The following MASP1 variants were observed in gnomAD, a reference collection of about 807,000 sequenced individuals.
MASP1 encodes the protein MBL associated serine protease 1.
In MASP1, 59 loss-of-function variants were observed where a neutral mutation model predicts 77.1. That is an observed-to-expected ratio of 0.77 (90% CI 0.62 to 0.95). MASP1 has a LOEUF of 0.95. MASP1 is among the 40% of genes least tolerant of loss of function. The pLI is 0.00. For synonymous variants in MASP1, 362 were observed against 354.5 expected (o/e 1.02, Z -0.24); for missense variants, 885 against 912.9 (o/e 0.97, Z 0.39).
chr3:187,255,434 A>G (rs1000157975), intron 5 of MASP1, among the ~76,000 whole-genome samples: 7 of 152,246 alleles, frequency 4.6e-5, no homozygotes, highest in Non-Finnish European at 5.9e-5. Flanking sequence ...TAAGAGCTCC[A>G]TCAGCTGACA....
At chr3:187,265,166 C>A (rs1285714944) in intron 2 of MASP1, among the ~76,000 whole-genome samples, 1 of 152,038 alleles carries the variant, frequency 6.6e-6, no homozygotes, top group African/African-American at 2.4e-5. Flanking sequence ...TTAACATATG[C>A]AGGATTACTG....
intron 2 of MASP1, among the ~76,000 whole-genome samples, chr3:187,280,258 G>T (rs554231606): frequency 6.6e-6 from 1 of 152,172 alleles, no homozygotes; most frequent in South Asian, 2.1e-4. Flanking sequence ...AAGAAATGTC[G>T]AATACATCAA....
Position 187,243,247 on chromosome 3 carries a change from A to G in MASP1, c.1228+237T>C, listed in dbSNP as rs936273418. The stretch of plus-strand genomic sequence containing the variant: ...GTAAATCAGTGCTAGCTTTAAAGTT[A>G]AAAACAAAAAAGCCTGCTTTTTGGT... On this transcript the variant is annotated intron_variant, in intron 9 of 10. Transcript: ENST00000296280. 5.5e-6 allele frequency: 3 copies of G among 545,994 alleles called. No homozygotes were observed. The East Asian group carries it at 9.9e-5, about 18-fold the overall frequency. 33.8% of individuals were successfully genotyped at this position (545,994 alleles called of 1,614,324 possible). A position where few individuals can be genotyped will look rare whatever the true frequency, so the allele number is the denominator to read the frequency against.
rs77189011 is a variant in MASP1, at chr3:187,285,998, C to T, written c.64G>A (p.Val22Met). 1,378 of 1,614,182 alleles carry T rather than the reference C, an allele frequency of 8.5e-4. 9 individuals are homozygous for T. The East Asian group carries it at 0.019, about 22-fold the overall frequency. Residue 22 changes from valine to methionine, a missense_variant, in exon 2 of 11, where the codon GTG becomes ATG. Physicochemically the swap from Val to Met is conservative, Grantham distance 21. Transcript: ENST00000296280. ...TGGCCAAACATATTGTTTAGCTCCA[C>T]GGTGTGGGCTGAAGCCTTTGACAGG... is the stretch of plus-strand genomic sequence containing the variant. ...FSLSKASAHT[V>M]ELNNMFGQIQ...
chr3:187,260,782 C>T lies in MASP1; in HGVS notation c.506G>A (p.Arg169His), dbSNP rs759561495. 30 of 1,613,886 alleles carry T rather than the reference C, an allele frequency of 1.9e-5. No homozygotes were observed. Among genetic ancestry groups the T allele is most frequent in the African/African-American group, 5.3e-5 (4 of 74,920 alleles). Reference sequence around the variant, plus strand: ...GTCTGTGTGGAGGATGTAGCCGAAGCGGCAGGAGCAGTAGTAGCCGCCAAT... The same window carrying T: ...GTCTGTGTGGAGGATGTAGCCGAAGTGGCAGGAGCAGTAGTAGCCGCCAAT... The part of the protein sequence containing the change: ...NYIGGYYCSC[R>H]FGYILHTDNR... Residue 169 changes from arginine to histidine, a missense_variant, in exon 4 of 11, where the codon CGC becomes CAC. Physicochemically the swap from Arg to His is conservative, Grantham distance 29. Transcript: ENST00000296280.
downstream of MASP1, among the ~76,000 whole-genome samples, chr3:187,230,761 A>T (rs1306130694): frequency 1.3e-5 from 2 of 152,214 alleles, no homozygotes; most frequent in South Asian, 2.1e-4. Flanking sequence ...TAAAGAAACC[A>T]AGGCCTGGAG....
At chr3:187,262,906 A>C (rs1715719361) in intron 2 of MASP1, among the ~76,000 whole-genome samples, 186 bp from the exon 3 acceptor site, 1 of 152,166 alleles carries the variant, frequency 6.6e-6, no homozygotes, top group Admixed American at 6.5e-5. Context: ...TGGACATCTG[A>C]TCAGTTTCAT....
intron 10 of MASP1, 115 bp downstream of exon 10, chr3:187,241,366 G>T: frequency 1.2e-6 from 1 of 835,828 alleles, no homozygotes; most frequent in Non-Finnish European, 2.1e-6. Context: ...CTCTTAAAAA[G>T]CAACCAAAGC....
chr3:187,220,561 G>A (rs565143652), intron 15 of MASP1, among the ~76,000 whole-genome samples: 9 of 140,826 alleles, frequency 6.4e-5, no homozygotes, highest in East Asian at 2.2e-4. Context: ...GCAGTGGCAC[G>A]ATCTCGGCTC....
At chr3:187,284,695 A>C (rs1717706016) in intron 2 of MASP1, among the ~76,000 whole-genome samples, 1 of 152,204 alleles carries the variant, frequency 6.6e-6, no homozygotes, top group South Asian at 2.1e-4. Flanking sequence ...CATGTGATTC[A>C]AAAACACAAG....
At chr3:187,222,629 A>G (rs1712130290) in intron 14 of MASP1, among the ~76,000 whole-genome samples, 1 of 151,896 alleles carries the variant, frequency 6.6e-6, no homozygotes, top group African/African-American at 2.4e-5. Context: ...TGACCCAGCA[A>G]GTTAGTGGGA....
intron 9 of MASP1, 47 bp from the exon 10 acceptor site, chr3:187,241,602 T>G: frequency 8.1e-7 from 1 of 1,230,172 alleles, no homozygotes; most frequent in Non-Finnish European, 1.2e-6. Flanking sequence ...AATGGTTGAT[T>G]TGTAACACAT....
chr3:187,268,266 G>A (rs1046341966), intron 2 of MASP1, among the ~76,000 whole-genome samples: 6 of 152,114 alleles, frequency 3.9e-5, no homozygotes, highest in African/African-American at 9.7e-5. Context: ...AGGATCACTT[G>A]AGCCCAGGAG....
At chr3:187,286,725 A>G (rs1314481225) in intron 1 of MASP1, among the ~76,000 whole-genome samples, 1 of 152,204 alleles carries the variant, frequency 6.6e-6, no homozygotes, top group Non-Finnish European at 1.5e-5. Flanking sequence ...ACGAGGCAGA[A>G]TGACTAAGGC....
intron 9 of MASP1, chr3:187,242,933 G>A (rs925202031): frequency 2.8e-5 from 5 of 178,342 alleles, no homozygotes; most frequent in Admixed American, 5.4e-5. Flanking sequence ...TCCACTCCTC[G>A]CTCCCCAACC....
At chr3:187,291,269 T>C (rs1269216759) in intron 1 of MASP1, 3 of 403,886 alleles carry the variant, frequency 7.4e-6, no homozygotes, top group Admixed American at 7.2e-5. Flanking sequence ...GAGAAAGCAA[T>C]GCTCTTTCCA....
chr3:187,235,414 G>A lies in MASP1; in HGVS notation c.*270C>T. 1 of 1,482,246 alleles carries A rather than the reference G, an allele frequency of 6.7e-7. No individual in the cohort carries two copies. Among genetic ancestry groups the A allele is most frequent in the Non-Finnish European group, 9.0e-7 (1 of 1,114,140 alleles). 91.8% of individuals were successfully genotyped at this position (1,482,246 alleles called of 1,614,324 possible). On this transcript the variant is annotated 3_prime_UTR_variant, in exon 11 of 11. Transcript: ENST00000296280. The stretch of plus-strand genomic sequence containing the variant: ...TGCTGGGATTGGCACAGAGGCCTTG[G>A]TTGAGCTCCTGCATTGTATTACTCG...
At chr3:187,250,950 C>A (rs943016845) in intron 7 of MASP1, among the ~76,000 whole-genome samples, 1 of 151,938 alleles carries the variant, frequency 6.6e-6, no homozygotes, top group Non-Finnish European at 1.5e-5. Context: ...GTGAGGGGAA[C>A]CCATCTGTTC....
At chr3:187,284,747 A>T (rs1717709214) in intron 2 of MASP1, among the ~76,000 whole-genome samples, 1 of 152,202 alleles carries the variant, frequency 6.6e-6, no homozygotes, top group Non-Finnish European at 1.5e-5. Context: ...CCAGATGTAC[A>T]ACCTTGGGTG....
Sources: allele counts gnomAD v4.1 joint callset (sites outside exome capture counted in the v4.1 genomes callset), GRCh38; gene constraint gnomAD v4.1.1; transcripts MANE v1.5; gene names NCBI Gene and HGNC (gene_info 2026-07-23, HGNC 2026-07-21).